Variants in CHL1 observed in about 807,000 individuals in gnomAD.
The protein encoded by CHL1 is cell adhesion molecule L1 like.
In CHL1, 96 loss-of-function variants were observed where a neutral mutation model predicts 141.9. That is an observed-to-expected ratio of 0.68 (90% confidence interval 0.57 to 0.80). The LOEUF is 0.80. Ranked by LOEUF, CHL1 falls within the 30% of genes least tolerant of loss-of-function variation. CHL1 has a pLI of 0.00. For synonymous variants in CHL1, 613 were observed against 502.2 expected, an observed-to-expected ratio of 1.22 and a Z score of -2.95; for missense variants, 1,820 against 1,457.2, an observed-to-expected ratio of 1.25 and a Z score of -4.05.
intron 1 of CHL1, among the ~76,000 whole-genome samples, chr3:198,815 A>G (rs1698652163): frequency 6.6e-6 from 1 of 152,250 alleles, no homozygotes; most frequent in Admixed American, 6.5e-5. Context: ...CTTAATTAAA[A>G]TATGAATATT....
chr3:259,920 G>A (rs774108346), intron 2 of CHL1, among the ~76,000 whole-genome samples: 1 of 152,066 alleles, frequency 6.6e-6, no homozygotes, highest in Non-Finnish European at 1.5e-5. Flanking sequence ...GACTGAAAGT[G>A]CACACAATCT....
Position 306,796 on chromosome 3 carries a change from C to A in CHL1, c.-94-12887C>A, listed in dbSNP as rs569658801. Among the ~76,000 whole-genome samples, 4 of 152,242 alleles carry A rather than the reference C, an allele frequency of 2.6e-5. No homozygotes were observed. The East Asian group carries it at 5.8e-4, about 22-fold the overall frequency. ...GAACTATTTATCTTAATCATGCAGC[C>A]TTTTCATCTCTGAAAGAATCTATTA... On this transcript the variant is annotated intron_variant, in intron 2 of 27. Transcript: ENST00000256509.
In CHL1 at chr3:391,150, C is replaced by A; in HGVS notation, c.2782C>A (p.Pro928Thr). 6.2e-7 allele frequency: 1 copy of A among 1,607,934 alleles called. No individual in the cohort carries two copies. The stretch of plus-strand genomic sequence containing the variant: ...AAGTGAGCCTTATATATTTCAAACA[C>A]CAGAAGGAGGTGAGAGGATAATGAT... ...PESEPYIFQT[P>T]EGVPEQPTFL... The change falls in exon 22 of 28, where the codon CCA (proline) becomes ACA (threonine). Residue 928 changes from proline (P) to threonine (T), a missense_variant. Physicochemically the swap from Pro to Thr is conservative, Grantham distance 38. Transcript: ENST00000256509.
intron 2 of CHL1, among the ~76,000 whole-genome samples, chr3:282,165 T>A (rs1696720950): frequency 1.3e-5 from 2 of 152,204 alleles, no homozygotes; most frequent in South Asian, 4.1e-4. Context: ...ATTTTCTTAG[T>A]ATCTGTTCTG....
rs572417847 is a variant in CHL1, at chr3:375,698, T to G, written c.1752-2120T>G. Among the ~76,000 whole-genome samples, 14 of 152,232 alleles carry G rather than the reference T, an allele frequency of 9.2e-5. 1 individual carries two copies. Among genetic ancestry groups the G allele is most frequent in the Admixed American group, 8.5e-4 (13 of 15,290 alleles). On this transcript the variant is annotated intron_variant, in intron 15 of 27. Coordinates refer to ENST00000256509, the MANE Select transcript of CHL1 (RefSeq NM_006614.4). ...TCTGAGCACATACTCTGCCAGGCTG[T>G]ATGCACTAATCACTTTATGTGCTTT...
chr3:399,131 G>C lies in CHL1; in HGVS notation c.3368G>C (p.Arg1123Thr), dbSNP rs757466969. ...ACTGTTTGCTTTGTGAAGAGGAATA[G>C]AGGTGGAAAGTACTCAGGTAAAATT... ...LLTVCFVKRN[R>T]GGKYSVKEKE... Residue 1123 changes from arginine to threonine, a missense_variant, in exon 26 of 28, where the codon AGA becomes ACA. Transcript: ENST00000256509. 8.1e-6 allele frequency: 13 copies of C among 1,610,466 alleles called. No homozygotes were observed. The highest frequency in any genetic ancestry group is 1.7e-5 in the Admixed American group (1 of 59,996).
chr3:252,124 T>C (rs1214921620), intron 2 of CHL1, among the ~76,000 whole-genome samples: 3 of 151,890 alleles, frequency 2.0e-5, no homozygotes, highest in African/African-American at 4.8e-5. Flanking sequence ...TTGAAGATTC[T>C]TGTGGCCAAA....
At chr3:246,961 C>G (rs1010210968) in intron 2 of CHL1, 1 of 151,834 alleles carries the variant, frequency 6.6e-6, no homozygotes, top group Non-Finnish European at 1.5e-5. Context: ...GGTAATGTGC[C>G]GAGACTGCTT....
intron 1 of CHL1, among the ~76,000 whole-genome samples, chr3:200,055 A>C (rs1373759621): frequency 6.6e-6 from 1 of 152,168 alleles, no homozygotes; most frequent in African/African-American, 2.4e-5. Flanking sequence ...AGGTACCTTG[A>C]GGAATTAGTG....
intron 2 of CHL1, among the ~76,000 whole-genome samples, chr3:282,073 T>G (rs1696710367): frequency 6.6e-6 from 1 of 152,190 alleles, no homozygotes. Flanking sequence ...TATTCCTTCA[T>G]ATCTGCCTTG....
intron 19 of CHL1, among the ~76,000 whole-genome samples, chr3:385,247 C>T (rs557863128): frequency 6.6e-6 from 1 of 152,204 alleles, no homozygotes; most frequent in East Asian, 1.9e-4. Flanking sequence ...GTCAGTTCCT[C>T]AGAGAAGCAC....
chr3:401,598 C>G (rs1412388593), intron 26 of CHL1, 28 bp from the exon 27 acceptor site: 1 of 1,380,538 alleles, frequency 7.2e-7, no homozygotes, highest in Non-Finnish European at 1.0e-6. Flanking sequence ...CACTGTATTA[C>G]TTTTCCCACT....
intron 2 of CHL1, among the ~76,000 whole-genome samples, chr3:315,156 G>A (rs895620128): frequency 1.3e-5 from 2 of 152,102 alleles, no homozygotes; most frequent in African/African-American, 4.8e-5. Context: ...ACTAGTATTA[G>A]CAAATTTTAT....
At chr3:301,705 G>A (rs1354836893) in intron 2 of CHL1, among the ~76,000 whole-genome samples, 4 of 152,116 alleles carry the variant, frequency 2.6e-5, no homozygotes, top group African/African-American at 4.8e-5. Context: ...ATTACTACAT[G>A]GAAATTACTT....
intron 20 of CHL1, 100 bp downstream of exon 20, chr3:389,574 A>C (rs1708057144): frequency 3.4e-6 from 3 of 872,146 alleles, no homozygotes; most frequent in African/African-American, 1.7e-5. Flanking sequence ...TACTGCATGC[A>C]AAGAGGATGT....
chr3:328,043 C>G, intron 4 of CHL1, 124 bp from the exon 5 acceptor site: 1 of 601,360 alleles, frequency 1.7e-6, no homozygotes, highest in Non-Finnish European at 2.7e-6. Context: ...CTGTTATATT[C>G]CATTAAGTAT....
In CHL1 at chr3:342,996, A is replaced by G; in HGVS notation, c.692A>G (p.Asn231Ser). ...KLTVNSLKHANDSSSSTEIGS... is the reference protein window; with the variant it reads ...KLTVNSLKHASDSSSSTEIGS... ...TTTTTTATTTCAGTAAAGCATGCTA[A>G]TGACTCAAGTTCATCCACAGAAATT... Residue 231 changes from asparagine to serine, a missense_variant, in exon 8 of 28, where the codon AAT becomes AGT. Physicochemically the swap from Asn to Ser is conservative, Grantham distance 46. Coordinates refer to ENST00000256509, the MANE Select transcript of CHL1 (RefSeq NM_006614.4). The G allele has an allele frequency of 6.2e-7, 1 of 1,609,120 alleles. No homozygotes were observed. The highest frequency in any genetic ancestry group is 8.5e-7 in the Non-Finnish European group (1 of 1,178,230).
At chr3:294,637 A>T (rs1489040033) in intron 2 of CHL1, among the ~76,000 whole-genome samples, 1 of 140,870 alleles carries the variant, frequency 7.1e-6, no homozygotes, top group Non-Finnish European at 1.6e-5. Context: ...CTTCTAAAAT[A>T]TTCCTTTTTT....
At chr3:217,490 T>G (rs1700427037) in intron 1 of CHL1, 1 of 152,114 alleles carries the variant, frequency 6.6e-6, no homozygotes, top group South Asian at 2.1e-4. Context: ...AGGAGAAACT[T>G]ACTTTAGAAA....
Sources: gnomAD v4.1 joint callset for allele counts (sites outside exome capture counted in the v4.1 genomes callset) on GRCh38, gnomAD v4.1.1 for gene constraint, MANE v1.5 for transcripts, NCBI Gene and HGNC (gene_info 2026-07-23, HGNC 2026-07-21) for gene names.